EBF2: variants seen among roughly 807,000 people sequenced by gnomAD.
EBF2 encodes EBF transcription factor 2, also known as transcription factor COE2.
EBF2 carries 21 observed loss-of-function variants against 72.8 expected under a neutral mutation model. The observed-to-expected ratio is 0.29, with a 90% CI of 0.20 to 0.42. EBF2 has a LOEUF of 0.42. EBF2 is among the 10% of genes least tolerant of loss of function. EBF2 has a pLI of 1.00. For missense variants in EBF2, 637 were observed against 731.2 expected, an observed-to-expected ratio of 0.87 and a Z score of 1.49; for synonymous variants, 299 against 274.2, an observed-to-expected ratio of 1.09 and a Z score of -0.89.
chr8:26,006,022 GAACA>G (rs986281929), intron 6 of EBF2, among the ~76,000 whole-genome samples: 12 of 152,102 alleles, frequency 7.9e-5, no homozygotes, highest in African/African-American at 2.4e-4. Context: ...CCTTTCTGCA[GAACA>G]AACATCCATT....
intron 6 of EBF2, among the ~76,000 whole-genome samples, chr8:25,964,167 C>T (rs1021072871): frequency 2.0e-4 from 30 of 150,416 alleles, no homozygotes; most frequent in African/African-American, 7.0e-4. Flanking sequence ...TTTGGATGAA[C>T]CAATTTGAAT....
intron 10 of EBF2, among the ~76,000 whole-genome samples, chr8:25,886,499 A>G (rs1802691231): frequency 6.6e-6 from 1 of 152,206 alleles, no homozygotes; most frequent in African/African-American, 2.4e-5. Flanking sequence ...CATGGTTCCA[A>G]CAGAGTTAAA....
intron 6 of EBF2, among the ~76,000 whole-genome samples, chr8:25,931,151 G>A (rs912136722): frequency 3.3e-5 from 5 of 152,088 alleles, no homozygotes; most frequent in Non-Finnish European, 5.9e-5. Flanking sequence ...GTGAACACTG[G>A]ACTGAAGGGG....
At chr8:26,029,105 A>C (rs1404711160) in intron 6 of EBF2, among the ~76,000 whole-genome samples, 2 of 152,256 alleles carry the variant, frequency 1.3e-5, no homozygotes, top group African/African-American at 2.4e-5. Context: ...GAAGTGGAGA[A>C]CTAAGTCCTT....
chr8:25,991,078 G>A (rs973628588), intron 6 of EBF2, among the ~76,000 whole-genome samples: 2 of 151,940 alleles, frequency 1.3e-5, no homozygotes, highest in African/African-American at 4.8e-5. Flanking sequence ...GGATCTCGAA[G>A]CAATTTCTTG....
At chr8:26,019,689 A>T (rs1805174987) in intron 6 of EBF2, among the ~76,000 whole-genome samples, 1 of 152,068 alleles carries the variant, frequency 6.6e-6, no homozygotes. Context: ...GACCATGCAA[A>T]CTCACCAACA....
Position 25,842,730 on chromosome 8 carries a change from G to C in EBF2, c.*1879C>G, listed in dbSNP as rs1221452934. Reference sequence around the variant, plus strand: ...CATAGAAATAATATAAGTCATACTGGGTAATTCCAGAATGGGTTAAAGGCA... The same window carrying C: ...CATAGAAATAATATAAGTCATACTGCGTAATTCCAGAATGGGTTAAAGGCA... On this transcript the variant is annotated 3_prime_UTR_variant, in exon 16 of 16. Transcript: ENST00000520164. 2 of 152,096 alleles carry C rather than the reference G, an allele frequency of 1.3e-5. No homozygotes were observed. The highest frequency in any genetic ancestry group is 1.9e-4 in the East Asian group (1 of 5,198). 9.4% of individuals were successfully genotyped at this position (152,096 alleles called of 1,614,324 possible).
intron 6 of EBF2, among the ~76,000 whole-genome samples, chr8:25,977,991 A>T (rs972907238): frequency 5.9e-5 from 9 of 151,848 alleles, no homozygotes; most frequent in Admixed American, 5.2e-4. Flanking sequence ...TCTTGACCCT[A>T]TCCCGTTGTC....
chr8:26,006,700 G>A (rs754657742), intron 6 of EBF2, among the ~76,000 whole-genome samples: 2 of 152,190 alleles, frequency 1.3e-5, no homozygotes, highest in African/African-American at 2.4e-5. Context: ...CTAGGCTGAT[G>A]TTGGCTATAG....
chr8:25,985,230 C>T (rs554444760), intron 6 of EBF2, among the ~76,000 whole-genome samples: 44 of 152,222 alleles, frequency 2.9e-4, no homozygotes, highest in African/African-American at 1.0e-3. Context: ...TGTAAGAGTG[C>T]CCTTTAGAAT....
chr8:25,988,914 T>C (rs144455388), intron 6 of EBF2, among the ~76,000 whole-genome samples: 71 of 152,356 alleles, frequency 4.7e-4, no homozygotes, highest in African/African-American at 1.7e-3. Context: ...ATGTTCGTTC[T>C]GCAAAACAAG....
chr8:25,890,896 A>G (rs1325432853), intron 7 of EBF2, among the ~76,000 whole-genome samples: 2 of 152,226 alleles, frequency 1.3e-5, no homozygotes, highest in Non-Finnish European at 2.9e-5. Context: ...TGTAATACAT[A>G]TAAAGGATTC....
chr8:25,940,634 A>G (rs1006399501), intron 6 of EBF2, among the ~76,000 whole-genome samples: 2 of 135,414 alleles, frequency 1.5e-5, no homozygotes, highest in African/African-American at 3.6e-5. Flanking sequence ...AAAAAAAAAT[A>G]AAAAAAAAAC....
intron 6 of EBF2, chr8:26,031,447 T>C (rs1282817799): frequency 2.4e-5 from 2 of 83,478 alleles, no homozygotes; most frequent in Non-Finnish European, 5.2e-5. Flanking sequence ...TTTTTTTTTT[T>C]TTGAGACAGA....
At chr8:25,846,759 G>A (rs1801846362) in intron 15 of EBF2, among the ~76,000 whole-genome samples, 1 of 152,166 alleles carries the variant, frequency 6.6e-6, no homozygotes, top group Non-Finnish European at 1.5e-5. Flanking sequence ...TCATGTAACA[G>A]CAGAGGTGCT....
chr8:26,017,095 C>G (rs1805122760), intron 6 of EBF2, among the ~76,000 whole-genome samples: 1 of 150,616 alleles, frequency 6.6e-6, no homozygotes, highest in Admixed American at 6.6e-5. Context: ...TTGTCAGTAT[C>G]TAATGCCTGT....
intron 6 of EBF2, among the ~76,000 whole-genome samples, chr8:26,009,436 A>C (rs1002073939): frequency 2.2e-4 from 33 of 152,240 alleles, no homozygotes; most frequent in African/African-American, 7.7e-4. Flanking sequence ...AGAATCAGAA[A>C]GCAAGCATGT....
chr8:25,850,554 A>G (rs1313873504), intron 15 of EBF2, 40 bp downstream of exon 15: 6 of 1,495,866 alleles, frequency 4.0e-6, no homozygotes, highest in Non-Finnish European at 5.3e-6. Flanking sequence ...TGCCAACCCT[A>G]TGGTACATTG....
At chr8:25,917,037 A>T (rs529620819) in intron 6 of EBF2, among the ~76,000 whole-genome samples, 5 of 152,252 alleles carry the variant, frequency 3.3e-5, no homozygotes, top group African/African-American at 1.2e-4. Context: ...TCTGAAGGGA[A>T]TGTCTCCCAT....
Sources: gnomAD v4.1 joint callset for allele counts (sites outside exome capture counted in the v4.1 genomes callset) on GRCh38, gnomAD v4.1.1 for gene constraint, MANE v1.5 for transcripts, NCBI Gene and HGNC (gene_info 2026-07-23, HGNC 2026-07-21) for gene names.